Variants in KLHL1 observed in about 807,000 individuals in gnomAD.
The protein encoded by KLHL1 is kelch like family member 1.
A neutral mutation model predicts 77.7 loss-of-function variants in KLHL1; 47 were observed. The observed-to-expected ratio is 0.60, with a 90% confidence interval of 0.48 to 0.77. The LOEUF (loss-of-function observed/expected upper bound fraction) is 0.77, where lower values mean the gene tolerates loss of function less well. Among genes scored for constraint, KLHL1 ranks in the 30% least tolerant of loss-of-function variants. The pLI is 0.00. For missense variants in KLHL1, 925 were observed against 910.8 expected, an observed-to-expected ratio of 1.02 and a Z score of -0.20; for synonymous variants, 360 against 325.2, an observed-to-expected ratio of 1.11 and a Z score of -1.15.
chr13:69,869,657 G>A (rs1880505630), intron 5 of KLHL1, among the ~76,000 whole-genome samples: 1 of 152,048 alleles, frequency 6.6e-6, no homozygotes. Flanking sequence ...GGACATTTTT[G>A]TTTCAGCTTT....
At chr13:69,906,805 A>T (rs749779227) in intron 4 of KLHL1, among the ~76,000 whole-genome samples, 1 of 151,982 alleles carries the variant, frequency 6.6e-6, no homozygotes, top group Non-Finnish European at 1.5e-5. Context: ...ATCTTGCTCC[A>T]TCTTATCAAA....
chr13:69,949,872 C>T (rs1160620704), intron 3 of KLHL1, among the ~76,000 whole-genome samples: 1 of 151,736 alleles, frequency 6.6e-6, no homozygotes, highest in Non-Finnish European at 1.5e-5. Context: ...ATTTTGCTGT[C>T]AAAATTATTC....
At chr13:69,782,197 G>A (rs552339593) in intron 7 of KLHL1, among the ~76,000 whole-genome samples, 23 of 152,304 alleles carry the variant, frequency 1.5e-4, no homozygotes, top group Admixed American at 5.9e-4. Context: ...CAAGATGGCC[G>A]AACAGGAACA....
chr13:69,758,288 A>C (rs1279519700), intron 7 of KLHL1, among the ~76,000 whole-genome samples: 1 of 152,142 alleles, frequency 6.6e-6, no homozygotes, highest in African/African-American at 2.4e-5. Flanking sequence ...AGCTAATTTT[A>C]ATAATCCTAT....
chr13:70,018,495 C>T (rs1022337489), intron 1 of KLHL1, among the ~76,000 whole-genome samples: 14 of 152,228 alleles, frequency 9.2e-5, no homozygotes, highest in African/African-American at 3.1e-4. Context: ...AAGATTAGTA[C>T]CTGATTTAGA....
intron 3 of KLHL1, among the ~76,000 whole-genome samples, chr13:69,940,835 T>C (rs1883344306): frequency 6.6e-6 from 1 of 150,926 alleles, no homozygotes; most frequent in African/African-American, 2.4e-5. Flanking sequence ...TGCTTTAGTG[T>C]TTCCTCTGTT....
intron 5 of KLHL1, among the ~76,000 whole-genome samples, chr13:69,856,523 T>TA (rs2054780381): frequency 6.6e-6 from 1 of 152,070 alleles, no homozygotes; most frequent in Non-Finnish European, 1.5e-5. Context: ...CGCAGATCCT[T>TA]ACAATTCTCA....
At chr13:69,745,717 C>T (rs1038549963) in intron 7 of KLHL1, among the ~76,000 whole-genome samples, 1 of 151,738 alleles carries the variant, frequency 6.6e-6, no homozygotes, top group Non-Finnish European at 1.5e-5. Context: ...ATAACAATGA[C>T]TATTGAGGAA....
intron 1 of KLHL1, among the ~76,000 whole-genome samples, chr13:69,982,327 T>C (rs1884734174): frequency 6.6e-6 from 1 of 151,160 alleles, no homozygotes; most frequent in Non-Finnish European, 1.5e-5. Flanking sequence ...TCCCAGCTGA[T>C]TGGGAGACTG....
At chr13:70,074,782 A>G (rs1887220640) in intron 1 of KLHL1, among the ~76,000 whole-genome samples, 1 of 152,056 alleles carries the variant, frequency 6.6e-6, no homozygotes, top group African/African-American at 2.4e-5. Flanking sequence ...TAGCCAGTAC[A>G]ATAAAGCAAT....
At chr13:69,870,521 C>T (rs1170860660) in intron 5 of KLHL1, among the ~76,000 whole-genome samples, 2 of 152,004 alleles carry the variant, frequency 1.3e-5, no homozygotes, top group East Asian at 3.9e-4. Flanking sequence ...TACAAAATAT[C>T]ATCATGCCAC....
At chr13:69,932,679 C>T (rs1883038589) in intron 4 of KLHL1, among the ~76,000 whole-genome samples, 1 of 151,544 alleles carries the variant, frequency 6.6e-6, no homozygotes, top group Non-Finnish European at 1.5e-5. Context: ...ATATATTGTG[C>T]TTGTGTGTGT....
intron 4 of KLHL1, among the ~76,000 whole-genome samples, chr13:69,919,197 C>A (rs1241655277): frequency 6.6e-6 from 1 of 152,134 alleles, no homozygotes; most frequent in Admixed American, 6.5e-5. Flanking sequence ...ACGGTATTTT[C>A]TCTTCTATAC....
At position 70,107,879 on chromosome 13, in the gene KLHL1, G is replaced by C. The variant is rs935425832; in HGVS notation, c.-180C>G. On this transcript the variant is annotated 5_prime_UTR_variant, in exon 1 of 11. Coordinates refer to ENST00000377844, the MANE Select transcript of KLHL1 (RefSeq NM_020866.3). ...GCCAGGCGAAGGCTGGAGCGCAGACGGCAAAGCCGCGCGTTTCAGCCGTGG... is the reference window on the plus strand; with the variant it reads ...GCCAGGCGAAGGCTGGAGCGCAGACCGCAAAGCCGCGCGTTTCAGCCGTGG... 1 of 548,054 alleles carries C rather than the reference G, an allele frequency of 1.8e-6. No homozygotes were observed. The highest frequency in any genetic ancestry group is 3.1e-6 in the Non-Finnish European group (1 of 319,630). The allele number at this position is 548,054 out of a possible 1,614,324, so 33.9% of individuals were successfully genotyped here.
chr13:69,740,732 C>A (rs980595667), intron 7 of KLHL1, among the ~76,000 whole-genome samples, 176 bp from the exon 8 acceptor site: 1 of 151,980 alleles, frequency 6.6e-6, no homozygotes, highest in Non-Finnish European at 1.5e-5. Flanking sequence ...AGCAACAGTA[C>A]AAAACTATGA....
At chr13:69,705,054 G>T (rs1172132628) in intron 10 of KLHL1, among the ~76,000 whole-genome samples, 2 of 151,664 alleles carry the variant, frequency 1.3e-5, no homozygotes, top group Non-Finnish European at 1.5e-5. Flanking sequence ...TTAGAGACAG[G>T]TTAATAAATG....
chr13:69,980,819 T>A (rs1300827395), intron 1 of KLHL1, among the ~76,000 whole-genome samples: 1 of 152,058 alleles, frequency 6.6e-6, no homozygotes, highest in Non-Finnish European at 1.5e-5. Context: ...AAATATGGTT[T>A]AAATACATCT....
chr13:69,893,028 A>C (rs1881484589), intron 4 of KLHL1, among the ~76,000 whole-genome samples: 1 of 152,176 alleles, frequency 6.6e-6, no homozygotes, highest in Non-Finnish European at 1.5e-5. Context: ...ACAAGACTAT[A>C]TATTCTTATA....
At chr13:69,886,510 C>T (rs916522124) in intron 4 of KLHL1, among the ~76,000 whole-genome samples, 2 of 151,046 alleles carry the variant, frequency 1.3e-5, no homozygotes, top group Non-Finnish European at 3.0e-5. Context: ...ATATAAAACT[C>T]TTTTGAAATT....
Sources: allele counts gnomAD v4.1 joint callset (sites outside exome capture counted in the v4.1 genomes callset), GRCh38; gene constraint gnomAD v4.1.1; transcripts MANE v1.5; gene names NCBI Gene and HGNC (gene_info 2026-07-23, HGNC 2026-07-21).